Variants in COA3 observed in about 807,000 individuals in gnomAD.
The protein encoded by COA3 is cytochrome c oxidase assembly factor 3, also known as cytochrome c oxidase assembly factor 3 homolog, mitochondrial.
Under a neutral mutation model 10.1 loss-of-function variants are expected in COA3, and 10 were observed. That is an observed-to-expected ratio of 0.99 (90% CI 0.61 to 1.67). The LOEUF is 1.67. COA3 is among the 40% of genes most tolerant of loss of function. COA3 has a pLI of 0.00. For missense variants in COA3, 142 were observed against 140.7 expected (o/e 1.01, Z -0.05); for synonymous variants, 57 against 63.1 (o/e 0.90, Z 0.46).
At position 42,798,046 on chromosome 17, in the gene COA3, C is replaced by T; in HGVS notation, c.*15G>A. Reference sequence around the variant, plus strand: ...GGGGCTCCAGCAGGTTGGACATGATCAATACCCATCCAGATTAGGACCCTG... The same window carrying T: ...GGGGCTCCAGCAGGTTGGACATGATTAATACCCATCCAGATTAGGACCCTG... On this transcript the variant is annotated 3_prime_UTR_variant, in exon 2 of 2. Transcript: ENST00000328434. 1 of 1,595,864 alleles carries T rather than the reference C, an allele frequency of 6.3e-7. No homozygotes were observed. Among genetic ancestry groups the T allele is most frequent in the Non-Finnish European group, 8.6e-7 (1 of 1,163,618 alleles).
chr17:42,798,217 C>A (rs1246393211), intron 1 of COA3, 50 bp from the exon 2 acceptor site: 1 of 1,332,764 alleles, frequency 7.5e-7, no homozygotes, highest in South Asian at 1.2e-5. Context: ...ATTCCCCTTT[C>A]CTAGATTTGC....
chr17:42,798,677 G>A lies in COA3; in HGVS notation c.5C>T (p.Ala2Val), dbSNP rs1267886857. Reference sequence around the variant, plus strand: ...CAGAGGGTCACCAGCTCCCGAAGACGCCATGTTGCCACTCCTCCCTTCGCG... The same window carrying A: ...CAGAGGGTCACCAGCTCCCGAAGACACCATGTTGCCACTCCTCCCTTCGCG... Reference protein sequence around the residue: MASSGAGDPLDS... With the variant: MVSSGAGDPLDS... Residue 2 changes from alanine to valine, a missense_variant, in exon 1 of 2, where the codon GCG becomes GTG. Physicochemically the swap from Ala to Val is moderately conservative, Grantham distance 64. Transcript: ENST00000328434. 6.2e-7 allele frequency: 1 copy of A among 1,610,818 alleles called. No individual in the cohort carries two copies. Among genetic ancestry groups the A allele is most frequent in the Admixed American group, 1.7e-5 (1 of 59,932 alleles).
intron 1 of COA3, 116 bp from the exon 2 acceptor site, chr17:42,798,283 T>C: frequency 1.0e-6 from 1 of 971,312 alleles, no homozygotes; most frequent in Non-Finnish European, 1.6e-6. Context: ...GCCGCTGCTG[T>C]TTCTAAACCC....
intron 1 of COA3, 81 bp from the exon 2 acceptor site, chr17:42,798,248 C>G: frequency 9.0e-7 from 1 of 1,109,566 alleles, no homozygotes. Context: ...TTGTTACTCT[C>G]CCAAATCAGT....
In COA3 at chr17:42,797,866, G is replaced by A. The variant is rs953757933; in HGVS notation, c.*195C>T. On this transcript the variant is annotated 3_prime_UTR_variant, in exon 2 of 2. Transcript: ENST00000328434. ...CTCAGTCATTGTACACAGCAAGTGT[G>A]CAGTGGGCAAAGTTCTGTTCTTTTG... The A allele has an allele frequency of 2.6e-5, 14 of 547,118 alleles. No individual in the cohort carries two copies. The highest frequency in any genetic ancestry group is 3.3e-5 in the Non-Finnish European group (10 of 307,160). The allele number at this position is 547,118 out of a possible 1,614,324, so 33.9% of individuals were successfully genotyped here. A position where few individuals can be genotyped will look rare whatever the true frequency, so the allele number is the denominator to read the frequency against.
At chr17:42,798,378 C>A in intron 1 of COA3, 90 bp downstream of exon 1, 1 of 1,344,064 alleles carries the variant, frequency 7.4e-7, no homozygotes, top group Non-Finnish European at 1.0e-6. Context: ...CATTTTACCC[C>A]AAAATTAAAC....
At chr17:42,798,417 T>C in intron 1 of COA3, 51 bp downstream of exon 1, 2 of 1,581,098 alleles carry the variant, frequency 1.3e-6, no homozygotes, top group Non-Finnish European at 1.7e-6. Context: ...GCACACTCTG[T>C]TCCCCTGCCC....
At position 42,798,671 on chromosome 17, in the gene COA3, G is replaced by A. The variant is rs367583251; in HGVS notation, c.11C>T (p.Ser4Leu). 1.2e-6 allele frequency: 2 copies of A among 1,611,928 alleles called. No individual in the cohort carries two copies. The highest frequency in any genetic ancestry group is 1.7e-6 in the Non-Finnish European group (2 of 1,178,410). The part of the protein sequence containing the change: MAS[S>L]GAGDPLDSKR... ...AGAATCCAGAGGGTCACCAGCTCCC[G>A]AAGACGCCATGTTGCCACTCCTCCC... The change falls in exon 1 of 2, where the codon TCG becomes TTG. Residue 4 changes from serine (S) to leucine (L), a missense_variant. Physicochemically the swap from Ser to Leu is moderately radical, Grantham distance 145 (BLOSUM62 -2). Coordinates refer to ENST00000328434, the MANE Select transcript of COA3 (RefSeq NM_001040431.3).
At position 42,797,976 on chromosome 17, in the gene COA3, G is replaced by T; in HGVS notation, c.*85C>A. On this transcript the variant is annotated 3_prime_UTR_variant, in exon 2 of 2. Transcript: ENST00000328434. The stretch of plus-strand genomic sequence containing the variant: ...AAGAAGGCCAACAATGTTGTGAGCA[G>T]GATTCAATTTCTACAGGGTCATGGG... The T allele has an allele frequency of 1.1e-6, 1 of 890,120 alleles. No individual in the cohort carries two copies. Among genetic ancestry groups the T allele is most frequent in the East Asian group, 2.5e-5 (1 of 40,790 alleles). 55.1% of individuals were successfully genotyped at this position (890,120 alleles called of 1,614,324 possible).
chr17:42,798,297 A>G, intron 1 of COA3, 130 bp from the exon 2 acceptor site: 1 of 936,322 alleles, frequency 1.1e-6, no homozygotes, highest in Non-Finnish European at 1.6e-6. Flanking sequence ...TAAACCCTGA[A>G]CCCCAATTCC....
Position 42,798,604 on chromosome 17 carries a change from A to G in COA3, c.78T>C (p.Thr26=). 6.2e-7 allele frequency: 1 copy of G among 1,614,106 alleles called. No individual in the cohort carries two copies. Among genetic ancestry groups the G allele is most frequent in the Non-Finnish European group, 8.5e-7 (1 of 1,180,012 alleles). Residue 26 remains threonine, a synonymous_variant, in exon 1 of 2, where the codon ACT becomes ACC. Transcript: ENST00000328434. ...GTTGCTCGGGTGTCAGCTTCTCCCG[A>G]GTCGGGTCGATACGCTGAGCGAACG... ...EAPFAQRIDP[T]REKLTPEQLH... is the part of the protein sequence containing the mutation.
chr17:42,798,075 C>T lies in COA3; in HGVS notation c.307G>A (p.Ala103Thr), dbSNP rs755471101. 14 of 1,613,884 alleles carry T rather than the reference C, an allele frequency of 8.7e-6. No individual in the cohort carries two copies. In the East Asian group the frequency reaches 2.7e-4, roughly 31 times the overall value. The change falls in exon 2 of 2, where the codon GCG (alanine) becomes ACG (threonine). Residue 103 changes from alanine (A) to threonine (T), a missense_variant. Physicochemically the swap from Ala to Thr is moderately conservative, Grantham distance 58. Coordinates refer to ENST00000328434, the MANE Select transcript of COA3 (RefSeq NM_001040431.3). ...ACCCATCCAGATTAGGACCCTGACG[C>T]CCTTGCCAGAGCTCGGGCTCGGGCA... ...KAARARALAR[A>T]SGS
At chr17:42,798,446 A>T in intron 1 of COA3, 22 bp downstream of exon 1, 1 of 1,607,962 alleles carries the variant, frequency 6.2e-7, no homozygotes, top group Non-Finnish European at 8.5e-7. Flanking sequence ...GGTCCCCTTG[A>T]GTCTACAACA....
chr17:42,798,186 G>A lies in COA3; in HGVS notation c.215-19C>T, dbSNP rs769313228. ...TAACCATCTGGGGAGGTAGGTTCAG[G>A]AAACCACACAGAATATGCACATTCC... On this transcript the variant is annotated intron_variant, in intron 1 of 1. Transcript: ENST00000328434. 2 of 1,533,062 alleles carry A rather than the reference G, an allele frequency of 1.3e-6. No homozygotes were observed. Among genetic ancestry groups the A allele is most frequent in the Admixed American group, 3.3e-5 (2 of 59,802 alleles). 95.0% of individuals were successfully genotyped at this position (1,533,062 alleles called of 1,614,324 possible). A position where few individuals can be genotyped will look rare whatever the true frequency, so the allele number is the denominator to read the frequency against.
In COA3 at chr17:42,798,594, G is replaced by A. The variant is rs763162619; in HGVS notation, c.88C>T (p.Leu30=). Residue 30 remains leucine (L), a synonymous_variant, in exon 1 of 2, where the codon CTG becomes TTG. Coordinates refer to ENST00000328434, the MANE Select transcript of COA3 (RefSeq NM_001040431.3). ...AQRIDPTREK[L]TPEQLHSMRQ... is the part of the protein sequence containing the mutation. ...ATGGAATGCAGTTGCTCGGGTGTCA[G>A]CTTCTCCCGAGTCGGGTCGATACGC... The A allele has an allele frequency of 1.9e-6, 3 of 1,614,178 alleles. No individual in the cohort carries two copies. The Admixed American group carries it at 5.0e-5, about 27-fold the overall frequency.
Position 42,798,382 on chromosome 17 carries a change from A to G in COA3, c.214+86T>C, listed in dbSNP as rs2054710238. ...AAAGTACTACCCATTTTACCCCAAA[A>G]TTAAACGGGTGGTTCAGCCCTCTTG... is the stretch of plus-strand genomic sequence containing the variant. On this transcript the variant is annotated intron_variant, in intron 1 of 1. Coordinates refer to ENST00000328434, the MANE Select transcript of COA3 (RefSeq NM_001040431.3). 19 of 1,370,782 alleles carry G rather than the reference A, an allele frequency of 1.4e-5. 1 individual carries two copies. The South Asian group carries it at 2.4e-4, about 17-fold the overall frequency. The allele number at this position is 1,370,782 out of a possible 1,614,324, so 84.9% of individuals were successfully genotyped here. A position where few individuals can be genotyped will look rare whatever the true frequency, so the allele number is the denominator to read the frequency against.
In COA3 at chr17:42,798,463, G is replaced by T; in HGVS notation, c.214+5C>A. On this transcript the variant is annotated splice_donor_5th_base_variant and intron_variant, in intron 1 of 1. Coordinates refer to ENST00000328434, the MANE Select transcript of COA3 (RefSeq NM_001040431.3). ...TCCCCTTGAGTCTACAACACGGACGGATACAAATAGCCAACACCAGGGCCC... is the reference window on the plus strand; with the variant it reads ...TCCCCTTGAGTCTACAACACGGACGTATACAAATAGCCAACACCAGGGCCC... 2 of 1,611,172 alleles carry T rather than the reference G, an allele frequency of 1.2e-6. No homozygotes were observed. Among genetic ancestry groups the T allele is most frequent in the South Asian group, 1.1e-5 (1 of 91,078 alleles).
At position 42,798,682 on chromosome 17, in the gene COA3, G is replaced by C. The variant is rs770822884; in HGVS notation, c.-1C>G. ...GGTCACCAGCTCCCGAAGACGCCATGTTGCCACTCCTCCCTTCGCGGTGCC... is the reference window on the plus strand; with the variant it reads ...GGTCACCAGCTCCCGAAGACGCCATCTTGCCACTCCTCCCTTCGCGGTGCC... On this transcript the variant is annotated 5_prime_UTR_variant, in exon 1 of 2. Coordinates refer to ENST00000328434, the MANE Select transcript of COA3 (RefSeq NM_001040431.3). 2 of 1,610,784 alleles carry C rather than the reference G, an allele frequency of 1.2e-6. No individual in the cohort carries two copies. Among genetic ancestry groups the C allele is most frequent in the South Asian group, 2.2e-5 (2 of 90,986 alleles).
Position 42,798,700 on chromosome 17 carries a change from G to C in COA3, c.-19C>G. On this transcript the variant is annotated 5_prime_UTR_variant, in exon 1 of 2. Coordinates refer to ENST00000328434, the MANE Select transcript of COA3 (RefSeq NM_001040431.3). ...ACGCCATGTTGCCACTCCTCCCTTC[G>C]CGGTGCCGCCGCGCGGGCCTCGCTG... 1 of 1,605,704 alleles carries C rather than the reference G, an allele frequency of 6.2e-7. No individual in the cohort carries two copies. The highest frequency in any genetic ancestry group is 8.5e-7 in the Non-Finnish European group (1 of 1,174,602).
Sources: gnomAD v4.1 joint callset for allele counts on GRCh38, gnomAD v4.1.1 for gene constraint, MANE v1.5 for transcripts, NCBI Gene and HGNC (gene_info 2026-07-23, HGNC 2026-07-21) for gene names.